The following RASSF3 variants were observed in gnomAD, a reference collection of about 807,000 sequenced individuals.
RASSF3 encodes the protein ras association domain-containing protein 3.
A neutral mutation model predicts 19.9 loss-of-function variants in RASSF3; 19 were observed. The ratio of observed to expected loss-of-function variants is 0.96; its 90% CI spans 0.67 to 1.40. The LOEUF is 1.40. Ranked by LOEUF, RASSF3 falls within the 40% of genes most tolerant of loss-of-function variation. The pLI, the probability that RASSF3 is intolerant of heterozygous loss-of-function variation, is 0.00. For missense variants in RASSF3, 306 were observed against 289.8 expected (o/e 1.06, Z -0.41); for synonymous variants, 110 against 104.2 (o/e 1.06, Z -0.34).
At chr12:64,581,115 A>G (rs1869687853) in intron 2 of RASSF3, among the ~76,000 whole-genome samples, 3 of 152,128 alleles carry the variant, frequency 2.0e-5, no homozygotes, top group South Asian at 4.1e-4. Context: ...TGTGGTAAAA[A>G]AAAAAAAGAG....
At chr12:64,552,643 C>T (rs557292502) in intron 2 of RASSF3, among the ~76,000 whole-genome samples, 28 of 152,166 alleles carry the variant, frequency 1.8e-4, no homozygotes, top group African/African-American at 4.1e-4. Context: ...TTTCTGTTCC[C>T]GAGTTAGTTT....
At chr12:64,523,136 T>C (rs1168421967) in intron 1 of RASSF3, among the ~76,000 whole-genome samples, 1 of 152,202 alleles carries the variant, frequency 6.6e-6, no homozygotes, top group Non-Finnish European at 1.5e-5. Flanking sequence ...CCAGGCACGG[T>C]GGCTCAAGCC....
At chr12:64,556,834 C>CT (rs5798747) in intron 2 of RASSF3, among the ~76,000 whole-genome samples, 3,942 of 114,302 alleles carry the variant, frequency 0.034, 246 homozygotes, top group African/African-American at 0.1. Context: ...CCCCCTACCC[C>CT]TTTTTTTTTT....
downstream of RASSF3, among the ~76,000 whole-genome samples, chr12:64,544,644 C>T (rs116736920): frequency 4.2e-3 from 643 of 151,808 alleles, 4 homozygotes; most frequent in African/African-American, 0.015. Flanking sequence ...ATTTTTTCAA[C>T]GGTTTGGGGG....
At chr12:64,607,494 C>T (rs1264444603), upstream of RASSF3, among the ~76,000 whole-genome samples, 6 of 151,780 alleles carry the variant, frequency 4.0e-5, no homozygotes, top group East Asian at 1.9e-4. Context: ...CTCAGCCTCC[C>T]GAATAGCTGG....
chr12:64,609,722 GATTGTGGCGGGGAC>G (rs1870268378), upstream of RASSF3, among the ~76,000 whole-genome samples: 1 of 152,180 alleles, frequency 6.6e-6, no homozygotes. Flanking sequence ...GTGGAAGGCT[GATTGTGGCGGGGAC>G]ATTTACAAAG....
intron 2 of RASSF3, among the ~76,000 whole-genome samples, chr12:64,567,063 A>G (rs911912746): frequency 6.6e-6 from 1 of 152,236 alleles, no homozygotes; most frequent in African/African-American, 2.4e-5. Context: ...GTAAAGGAGC[A>G]GCTGGGGTTT....
intron 1 of RASSF3, among the ~76,000 whole-genome samples, chr12:64,658,581 C>T (rs1223584052): frequency 6.6e-6 from 1 of 152,068 alleles, no homozygotes; most frequent in Non-Finnish European, 1.5e-5. Context: ...GCGGGCGGAT[C>T]GCTTGAGGCT....
intron 1 of RASSF3, among the ~76,000 whole-genome samples, chr12:64,623,569 G>T (rs1464481374): frequency 1.3e-5 from 2 of 152,212 alleles, no homozygotes; most frequent in Non-Finnish European, 2.9e-5. Flanking sequence ...TGTTCAGACA[G>T]GCTTGTGGAT....
rs117900969 is a variant in RASSF3, at chr12:64,539,756, T to C, written c.68-1825T>C. Among the ~76,000 whole-genome samples the C allele has an allele frequency of 5.2e-4, 79 of 152,154 alleles. No individual in the cohort carries two copies. The East Asian group carries it at 0.014, about 26-fold the overall frequency. On this transcript the variant is annotated intron_variant, in intron 1 of 1. Coordinates refer to the RASSF3 transcript ENST00000636333. ...GCCCACTGCACTCCACCCTGGGCAATAGAGTGAGACCTTGTCTCAAAAGAA... is the reference window on the plus strand; with the variant it reads ...GCCCACTGCACTCCACCCTGGGCAACAGAGTGAGACCTTGTCTCAAAAGAA...
At chr12:64,577,292 C>G (rs1869610934) in intron 2 of RASSF3, among the ~76,000 whole-genome samples, 1 of 152,218 alleles carries the variant, frequency 6.6e-6, no homozygotes, top group Non-Finnish European at 1.5e-5. Context: ...TTAAGCTTTC[C>G]CCATCTTTGA....
intron 1 of RASSF3, among the ~76,000 whole-genome samples, chr12:64,637,696 C>T (rs1871370018): frequency 6.6e-6 from 1 of 151,856 alleles, no homozygotes; most frequent in South Asian, 2.1e-4. Context: ...TCCCAAAGTG[C>T]TGGGATTACA....
upstream of RASSF3, among the ~76,000 whole-genome samples, chr12:64,607,690 G>GT (rs11416795): frequency 6.1e-3 from 929 of 151,814 alleles, 10 homozygotes; most frequent in African/African-American, 0.021. Flanking sequence ...CTTTATTTAT[G>GT]TTTTTTTTGT....
intron 1 of RASSF3, among the ~76,000 whole-genome samples, chr12:64,533,956 T>G (rs772501691): frequency 3.9e-5 from 6 of 152,172 alleles, no homozygotes; most frequent in Non-Finnish European, 7.3e-5. Context: ...AAGTAAAGCT[T>G]TAACAGAAAT....
intron 2 of RASSF3, among the ~76,000 whole-genome samples, chr12:64,559,988 G>T (rs532074794): frequency 3.9e-4 from 59 of 152,338 alleles, no homozygotes; most frequent in African/African-American, 1.4e-3. Flanking sequence ...TCCTGAGAGG[G>T]CAACCTGTTG....
chr12:64,572,689 C>T (rs1465321221), intron 2 of RASSF3, among the ~76,000 whole-genome samples: 6 of 151,982 alleles, frequency 3.9e-5, no homozygotes, highest in South Asian at 2.1e-4. Flanking sequence ...AATGTACGAA[C>T]GAAGCTTGAA....
intron 1 of RASSF3, among the ~76,000 whole-genome samples, chr12:64,520,487 T>C (rs1442148089): frequency 6.6e-6 from 1 of 150,416 alleles, no homozygotes; most frequent in Non-Finnish European, 1.5e-5. Context: ...AGCAAATATA[T>C]ACATATTTGT....
intron 1 of RASSF3, among the ~76,000 whole-genome samples, chr12:64,538,917 A>G (rs969466428): frequency 3.9e-5 from 6 of 151,998 alleles, no homozygotes; most frequent in Non-Finnish European, 7.4e-5. Context: ...CTGGTGGTGC[A>G]TGCCTATAAT....
chr12:64,648,054 G>C (rs2136188399), intron 1 of RASSF3, among the ~76,000 whole-genome samples: 1 of 152,350 alleles, frequency 6.6e-6, no homozygotes, highest in East Asian at 1.9e-4. Flanking sequence ...GAAGATGTTT[G>C]AGCTGTGCTT....
Sources: gnomAD v4.1 joint callset for allele counts (sites outside exome capture counted in the v4.1 genomes callset) on GRCh38, gnomAD v4.1.1 for gene constraint, MANE v1.5 for transcripts, NCBI Gene and HGNC (gene_info 2026-07-23, HGNC 2026-07-21) for gene names.